The following CCDC192 variants were observed in gnomAD, a reference collection of about 807,000 sequenced individuals.
CCDC192 encodes the protein coiled-coil domain-containing protein 192.
chr5:127,914,547 G>A (rs1166806428), intron 6 of CCDC192, among the ~76,000 whole-genome samples: 2 of 152,112 alleles, frequency 1.3e-5, no homozygotes, highest in Admixed American at 6.5e-5. Flanking sequence ...AAATTTTCCA[G>A]AGGATTTAAA....
chr5:127,737,152 A>G lies in CCDC192; in HGVS notation c.115-17116A>G, dbSNP rs1753063296. Among the ~76,000 whole-genome samples the G allele has an allele frequency of 3.3e-5, 5 of 151,748 alleles. No homozygotes were observed. The South Asian group carries it at 1.0e-3, about 32-fold the overall frequency. ...GTGTCTTTGTTCTCGTTGGTTTCAA[A>G]GAACATCTTCATTTCTGCCTTCATT... On this transcript the variant is annotated intron_variant, in intron 2 of 6. Transcript: ENST00000514853.
intron 6 of CCDC192, among the ~76,000 whole-genome samples, chr5:127,930,200 T>C (rs1405086108): frequency 7.0e-6 from 1 of 143,844 alleles, no homozygotes; most frequent in Admixed American, 7.3e-5. Context: ...TGAGACTTCT[T>C]CTCAAATTAA....
At chr5:127,898,844 A>G (rs933526204) in intron 6 of CCDC192, among the ~76,000 whole-genome samples, 1 of 152,114 alleles carries the variant, frequency 6.6e-6, no homozygotes, top group African/African-American at 2.4e-5. Context: ...ACTTAGGACA[A>G]AAGTATGGTG....
chr5:127,729,500 C>G (rs1318954403), intron 2 of CCDC192, among the ~76,000 whole-genome samples: 1 of 152,176 alleles, frequency 6.6e-6, no homozygotes, highest in East Asian at 1.9e-4. Flanking sequence ...GACTTGAACT[C>G]AGCTCTGAAT....
intron 6 of CCDC192, among the ~76,000 whole-genome samples, chr5:127,923,673 G>A (rs934262862): frequency 1.3e-5 from 2 of 152,058 alleles, no homozygotes; most frequent in African/African-American, 4.8e-5. Flanking sequence ...CTCCGCGCCC[G>A]GCCTTTTCAT....
At chr5:127,772,954 T>C (rs1452855192) in intron 3 of CCDC192, among the ~76,000 whole-genome samples, 2 of 152,172 alleles carry the variant, frequency 1.3e-5, no homozygotes, top group East Asian at 3.9e-4. Context: ...CTTCTGTTTT[T>C]TTCAGGGACT....
intron 2 of CCDC192, among the ~76,000 whole-genome samples, chr5:127,719,580 T>TATATATATATAC (rs1275936475): frequency 1.5e-5 from 2 of 132,608 alleles, no homozygotes; most frequent in Admixed American, 7.7e-5. Flanking sequence ...TATATATATA[T>TATATATATATAC]ACCAAGCAGT....
At chr5:127,871,872 A>C in intron 5 of CCDC192, among the ~76,000 whole-genome samples, 1 of 152,196 alleles carries the variant, frequency 6.6e-6, no homozygotes, top group East Asian at 1.9e-4. Context: ...GAGCACGGTA[A>C]TAGGAATTTA....
intron 5 of CCDC192, among the ~76,000 whole-genome samples, chr5:127,801,460 A>T (rs1318659806): frequency 6.6e-6 from 1 of 151,790 alleles, no homozygotes; most frequent in Non-Finnish European, 1.5e-5. Context: ...CCTGCCCCTC[A>T]TCTTCTCTTC....
intron 6 of CCDC192, among the ~76,000 whole-genome samples, chr5:127,892,195 T>C (rs868470141): frequency 1.3e-5 from 2 of 152,368 alleles, no homozygotes; most frequent in Middle Eastern, 3.4e-3. Context: ...AATCAAATTG[T>C]AAATTATCTG....
intron 6 of CCDC192, among the ~76,000 whole-genome samples, chr5:127,938,072 G>A (rs774463631): frequency 2.6e-5 from 4 of 151,802 alleles, no homozygotes; most frequent in Non-Finnish European, 2.9e-5. Context: ...ATCTTCCCTG[G>A]CCACTTTGCT....
chr5:127,836,310 C>T (rs796754670), intron 5 of CCDC192, among the ~76,000 whole-genome samples: 7 of 152,334 alleles, frequency 4.6e-5, no homozygotes, highest in Non-Finnish European at 8.8e-5. Context: ...TGTGGCTTTG[C>T]AGGGTACAGC....
chr5:127,865,399 C>T (rs551289858), intron 5 of CCDC192, among the ~76,000 whole-genome samples: 2 of 152,012 alleles, frequency 1.3e-5, no homozygotes, highest in African/African-American at 4.8e-5. Context: ...GGACTGACAC[C>T]TTTAAGTAAA....
intron 3 of CCDC192, among the ~76,000 whole-genome samples, chr5:127,783,154 A>T (rs541474661): frequency 2.3e-4 from 35 of 151,562 alleles, no homozygotes; most frequent in African/African-American, 8.2e-4. Flanking sequence ...TGCCACCATG[A>T]CCTGCTAATT....
Position 127,918,317 on chromosome 5 carries a change from G to A in CCDC192, c.536-22865G>A, listed in dbSNP as rs547170546. The stretch of plus-strand genomic sequence containing the variant: ...CTTTCAAGATGCTTGCTTTTATCAC[G>A]GAGTGTCCTTTTCTATTTGAGAACA... On this transcript the variant is annotated intron_variant, in intron 6 of 6. Coordinates refer to ENST00000514853, the MANE Select transcript of CCDC192 (RefSeq NM_001317938.2). Among the ~76,000 whole-genome samples, 9 of 151,716 alleles carry A rather than the reference G, an allele frequency of 5.9e-5. No homozygotes were observed. The East Asian group carries it at 7.8e-4, about 13-fold the overall frequency.
Position 127,721,566 on chromosome 5 carries a change from C to CATAG in CCDC192, c.114+13806_114+13807insATAG, listed in dbSNP as rs371733261. 1.3e-3 allele frequency among the ~76,000 whole-genome samples: 201 copies of CATAG among 152,298 alleles called. 2 individuals carry two copies. Among genetic ancestry groups the CATAG allele is most frequent in the African/African-American group, 4.5e-3 (185 of 41,550 alleles). ...TTCTGAGCCCTCCAAACTCTTCTAA[C>CATAG]CTATGCCCATTACTGAGTCCCAAAG... On this transcript the variant is annotated intron_variant, in intron 2 of 6. Coordinates refer to ENST00000514853, the MANE Select transcript of CCDC192 (RefSeq NM_001317938.2).
intron 3 of CCDC192, chr5:127,785,711 T>C (rs1269466647): frequency 5.0e-6 from 1 of 200,042 alleles, no homozygotes; most frequent in Non-Finnish European, 1.0e-5. Context: ...CATTATATGA[T>C]TGAGTGTATC....
chr5:127,800,402 C>CAAAAAAA (rs772597286), intron 5 of CCDC192, among the ~76,000 whole-genome samples: 7 of 88,290 alleles, frequency 7.9e-5, no homozygotes, highest in Admixed American at 1.7e-4. Flanking sequence ...AAAAAAAAAA[C>CAAAAAAA]AACAACAACA....
chr5:127,878,648 T>C (rs1488562314), intron 6 of CCDC192, among the ~76,000 whole-genome samples: 1 of 152,216 alleles, frequency 6.6e-6, no homozygotes, highest in Non-Finnish European at 1.5e-5. Context: ...AGAGCAAGAC[T>C]CTGTCTCAAA....
Sources: allele counts gnomAD v4.1 joint callset (sites outside exome capture counted in the v4.1 genomes callset), GRCh38; gene constraint gnomAD v4.1.1; transcripts MANE v1.5; gene names NCBI Gene and HGNC (gene_info 2026-07-23, HGNC 2026-07-21).